Variants in KIF21A observed in about 807,000 individuals in gnomAD.
KIF21A encodes kinesin-like protein KIF21A.
In KIF21A, 114 loss-of-function variants were observed where a neutral mutation model predicts 202.9. The observed-to-expected ratio is 0.56, with a 90% CI of 0.48 to 0.66. The LOEUF is 0.66. Among genes scored for constraint, KIF21A ranks in the 30% least tolerant of loss-of-function variants. KIF21A has a pLI of 0.00. For missense variants in KIF21A, 1,677 were observed against 1,994.9 expected (o/e 0.84, Z 3.04); for synonymous variants, 667 against 670.8 (o/e 0.99, Z 0.09).
At chr12:39,330,526 G>A (rs571142657) in intron 23 of KIF21A, among the ~76,000 whole-genome samples, 191 of 152,226 alleles carry the variant, frequency 1.3e-3, no homozygotes, top group African/African-American at 4.3e-3. Context: ...TGCTCAATAA[G>A]GTTAAGTAAG....
intron 3 of KIF21A, 147 bp downstream of exon 3, chr12:39,369,582 T>C: frequency 1.6e-6 from 1 of 633,568 alleles, no homozygotes; most frequent in Non-Finnish European, 2.7e-6. Context: ...GAAAAGTTAT[T>C]TCTACTATCT....
chr12:39,349,116 G>A (rs1159026449), intron 11 of KIF21A, among the ~76,000 whole-genome samples: 1 of 152,020 alleles, frequency 6.6e-6, no homozygotes, highest in Non-Finnish European at 1.5e-5. Flanking sequence ...GACACAGGAA[G>A]GTCAGTAAGA....
Position 39,425,690 on chromosome 12 carries a change from G to A in KIF21A, c.44+17237C>T, listed in dbSNP as rs370003168. Among the ~76,000 whole-genome samples, 20 of 152,014 alleles carry A rather than the reference G, an allele frequency of 1.3e-4. No individual in the cohort carries two copies. In the East Asian group the frequency reaches 1.9e-3, roughly 15 times the overall value. On this transcript the variant is annotated intron_variant, in intron 1 of 37. Coordinates refer to ENST00000361418, the MANE Select transcript of KIF21A (RefSeq NM_001173464.2). ...AGAATATGATAGAATTAGGAAAGGCGTCCTTAAAAGAGAATAATTTTTTGA... is the reference window on the plus strand; with the variant it reads ...AGAATATGATAGAATTAGGAAAGGCATCCTTAAAAGAGAATAATTTTTTGA...
chr12:39,410,595 A>G (rs1173939890), intron 1 of KIF21A, among the ~76,000 whole-genome samples: 2 of 152,204 alleles, frequency 1.3e-5, no homozygotes, highest in South Asian at 2.1e-4. Context: ...TTTGACTTTT[A>G]TAAGACACTA....
Position 39,333,235 on chromosome 12 carries a change from C to T in KIF21A, c.2464G>A (p.Val822Ile), listed in dbSNP as rs1285146797. 1.9e-6 allele frequency: 3 copies of T among 1,613,710 alleles called. No individual in the cohort carries two copies. Among genetic ancestry groups the T allele is most frequent in the Non-Finnish European group, 2.5e-6 (3 of 1,179,734 alleles). Residue 822 changes from valine to isoleucine, a missense_variant, in exon 18 of 38, where the codon GTT becomes ATT. Physicochemically the swap from Val to Ile is conservative, Grantham distance 29. Coordinates refer to ENST00000361418, the MANE Select transcript of KIF21A (RefSeq NM_001173464.2). The stretch of plus-strand genomic sequence containing the variant: ...ACCTCTTCAGTTTTGCGACGTAGAA[C>T]CACTTCTTGGTTTCTTTTTTGGGCT... The part of the protein sequence containing the change: ...LEAQKRNQEV[V>I]LRRKTEEVTA...
rs900677000 is a variant in KIF21A at position 39,380,542 on chromosome 12, A to C, written c.45-10281T>G. ...TCTTATAATAAAAAAGGTTTAATTA[A>C]CACTTCAGTTTCATTTTTAAAACTG... is the stretch of plus-strand genomic sequence containing the variant. On this transcript the variant is annotated intron_variant, in intron 1 of 37. Transcript: ENST00000361418. Among the ~76,000 whole-genome samples the C allele has an allele frequency of 3.3e-5, 5 of 152,282 alleles. No homozygotes were observed. The East Asian group carries it at 7.7e-4, about 24-fold the overall frequency.
chr12:39,339,375 A>G (rs1043833248), intron 16 of KIF21A, among the ~76,000 whole-genome samples: 2 of 152,144 alleles, frequency 1.3e-5, no homozygotes, highest in African/African-American at 4.8e-5. Context: ...GCATAGTAAC[A>G]TGCTGTACAG....
At chr12:39,386,725 T>C (rs1286242619) in intron 1 of KIF21A, among the ~76,000 whole-genome samples, 1 of 152,164 alleles carries the variant, frequency 6.6e-6, no homozygotes, top group Non-Finnish European at 1.5e-5. Flanking sequence ...CAGGCAGACG[T>C]CTAAGTGAAT....
chr12:39,347,132 CTG>C (rs1947967524), intron 11 of KIF21A, among the ~76,000 whole-genome samples: 1 of 150,918 alleles, frequency 6.6e-6, no homozygotes, highest in Admixed American at 6.6e-5. Context: ...CTGTGAAAAA[CTG>C]TAATTTTATT....
At chr12:39,416,791 A>ATATATATATGTACATATATATGTG (rs1566270761) in intron 1 of KIF21A, among the ~76,000 whole-genome samples, 6 of 124,978 alleles carry the variant, frequency 4.8e-5, no homozygotes, top group East Asian at 2.3e-4. Flanking sequence ...ATATATGTGT[A>ATATATATATGTACATATATATGTG]TATATATGTA....
chr12:39,333,034 G>T lies in KIF21A; in HGVS notation c.2561C>A (p.Ser854Ter). ...TGTGTCCTGAGCAGGTGCATCAGAT[G>T]AACTCAGCTTCCGAGTAACTTTCCC... ...VAGKVTRKLS[S>*]SDAPAQDTGS... The change falls in exon 19 of 38, where the codon TCA becomes TAA. Residue 854 changes from serine to a stop codon, truncating the protein, a stop_gained. Transcript: ENST00000361418. LOFTEE classifies it high-confidence loss of function. 6.2e-7 allele frequency: 1 copy of T among 1,614,040 alleles called. No homozygotes were observed. The highest frequency in any genetic ancestry group is 8.5e-7 in the Non-Finnish European group (1 of 1,180,012).
rs568285059 is a variant in KIF21A at position 39,380,128 on chromosome 12, C to T, written c.45-9867G>A. On this transcript the variant is annotated intron_variant, in intron 1 of 37. Coordinates refer to ENST00000361418, the MANE Select transcript of KIF21A (RefSeq NM_001173464.2). Reference sequence around the variant, plus strand: ...GATTACAGGAGCACGCTGCCATGCCCGGCTAATTTTTTGTATTTTAGTAGA... The same window carrying T: ...GATTACAGGAGCACGCTGCCATGCCTGGCTAATTTTTTGTATTTTAGTAGA... 2.6e-5 allele frequency among the ~76,000 whole-genome samples: 4 copies of T among 152,230 alleles called. No homozygotes were observed. The South Asian group carries it at 6.2e-4, about 24-fold the overall frequency.
At chr12:39,325,709 AAAG>A in intron 26 of KIF21A, 127 bp downstream of exon 26, 1 of 683,176 alleles carries the variant, frequency 1.5e-6, no homozygotes, top group Non-Finnish European at 2.6e-6. Context: ...AAAACTAAAT[AAAG>A]AAGAGCTTTA....
chr12:39,331,044 C>A, intron 22 of KIF21A, 133 bp from the exon 23 acceptor site: 1 of 829,346 alleles, frequency 1.2e-6, no homozygotes, highest in Non-Finnish European at 2.0e-6. Context: ...CCAGCTCCTC[C>A]AGTAACTGGC....
At position 39,413,673 on chromosome 12, in the gene KIF21A, C is replaced by A. The variant is rs1195537905; in HGVS notation, c.44+29254G>T. ...AGGCACAGTGACTAATGCCTGTAAC[C>A]CAGCTGAGGAAGATCGCTTGAACCC... On this transcript the variant is annotated intron_variant, in intron 1 of 37. Transcript: ENST00000361418. 5.3e-5 allele frequency among the ~76,000 whole-genome samples: 8 copies of A among 151,990 alleles called. No homozygotes were observed. In the East Asian group the frequency reaches 1.5e-3, roughly 29 times the overall value.
intron 1 of KIF21A, among the ~76,000 whole-genome samples, chr12:39,383,781 A>G (rs1388280142): frequency 6.6e-6 from 1 of 152,212 alleles, no homozygotes; most frequent in Non-Finnish European, 1.5e-5. Context: ...CCTGGGTGAC[A>G]GAATGAGACA....
At chr12:39,372,467 T>C (rs1179463006) in intron 1 of KIF21A, among the ~76,000 whole-genome samples, 2 of 152,190 alleles carry the variant, frequency 1.3e-5, no homozygotes, top group African/African-American at 4.8e-5. Flanking sequence ...ATAGGTATCA[T>C]GTGGTCTTCT....
Position 39,369,442 on chromosome 12 carries a change from A to G in KIF21A, c.450+287T>C, listed in dbSNP as rs532521864. 3.9e-5 allele frequency among the ~76,000 whole-genome samples: 6 copies of G among 152,300 alleles called. No individual in the cohort carries two copies. The South Asian group carries it at 1.2e-3, about 32-fold the overall frequency. On this transcript the variant is annotated intron_variant, in intron 3 of 37. Transcript: ENST00000361418. ...GCCATTACACTCCAACCTGGGTGAC[A>G]GAATGAGACTCTTATCTCCAAAAAA...
chr12:39,334,140 G>A (rs756530394), intron 17 of KIF21A, among the ~76,000 whole-genome samples: 1 of 146,358 alleles, frequency 6.8e-6, no homozygotes, highest in African/African-American at 2.6e-5. Flanking sequence ...GGCAGAGGCT[G>A]CAGTGAGCCA....
Sources: allele counts gnomAD v4.1 joint callset (sites outside exome capture counted in the v4.1 genomes callset), GRCh38; gene constraint gnomAD v4.1.1; transcripts MANE v1.5; gene names NCBI Gene and HGNC (gene_info 2026-07-23, HGNC 2026-07-21).